CEP85L: variants seen among roughly 807,000 people sequenced by gnomAD.
The protein encoded by CEP85L is centrosomal protein 85L, also known as centrosomal protein of 85 kDa-like.
A neutral mutation model predicts 100.3 loss-of-function variants in CEP85L; 60 were observed. The observed-to-expected ratio is 0.60, with a 90% CI of 0.49 to 0.74. CEP85L has a LOEUF of 0.74. CEP85L is among the 30% of genes least tolerant of loss of function. CEP85L has a pLI of 0.00. For synonymous variants in CEP85L, 319 were observed against 322.7 expected (o/e 0.99, Z 0.12); for missense variants, 973 against 936.2 (o/e 1.04, Z -0.51).
At chr6:118,606,919 CAG>C (rs1583156685) in intron 2 of CEP85L, among the ~76,000 whole-genome samples, 2 of 151,486 alleles carry the variant, frequency 1.3e-5, no homozygotes, top group African/African-American at 2.4e-5. Context: ...ACCGTTTGCA[CAG>C]AGAGAGAGAG....
At chr6:118,678,822 C>T (rs777779067) in intron 1 of CEP85L, among the ~76,000 whole-genome samples, 2 of 152,224 alleles carry the variant, frequency 1.3e-5, no homozygotes, top group Non-Finnish European at 2.9e-5. Context: ...GTCCCAGCTA[C>T]TTGGGAGGCT....
chr6:118,490,648 G>A (rs942587219), intron 6 of CEP85L, among the ~76,000 whole-genome samples: 2 of 152,118 alleles, frequency 1.3e-5, no homozygotes, highest in African/African-American at 2.4e-5. Context: ...GTACAAGAAC[G>A]TTCACAGCAG....
At chr6:118,496,247 T>C (rs1048122336) in intron 5 of CEP85L, among the ~76,000 whole-genome samples, 1 of 152,208 alleles carries the variant, frequency 6.6e-6, no homozygotes, top group Non-Finnish European at 1.5e-5. Flanking sequence ...ATTAAGTACA[T>C]GCCCTTAACC....
chr6:118,526,399 A>C (rs1410951001), intron 3 of CEP85L, among the ~76,000 whole-genome samples: 1 of 152,180 alleles, frequency 6.6e-6, no homozygotes, highest in Non-Finnish European at 1.5e-5. Context: ...CTCCATCCAT[A>C]AATAGGCATC....
At chr6:118,530,198 C>CT (rs1777212700) in intron 3 of CEP85L, among the ~76,000 whole-genome samples, 1 of 151,954 alleles carries the variant, frequency 6.6e-6, no homozygotes, top group South Asian at 2.1e-4. Context: ...ATATTACCAA[C>CT]TTTAGCACAC....
chr6:118,572,800 G>A lies in CEP85L; in HGVS notation c.233-6484C>T, dbSNP rs574293598. 1.8e-4 allele frequency among the ~76,000 whole-genome samples: 28 copies of A among 152,252 alleles called. No individual in the cohort carries two copies. In the South Asian group the frequency reaches 2.7e-3, roughly 15 times the overall value. On this transcript the variant is annotated intron_variant, in intron 2 of 12. Transcript: ENST00000368491. ...TATGAGGCCGGGTGCGGTGGCTCAC[G>A]CCTGTAATCCCAGCAATTTGGGAGG...
chr6:118,481,755 G>C, intron 8 of CEP85L, 24 bp downstream of exon 8: 1 of 1,402,450 alleles, frequency 7.1e-7, no homozygotes, highest in Non-Finnish European at 9.7e-7. Flanking sequence ...AAATAATGTA[G>C]AAGGATTCAG....
intron 2 of CEP85L, among the ~76,000 whole-genome samples, chr6:118,601,444 C>A (rs1781783687): frequency 6.6e-6 from 1 of 152,174 alleles, no homozygotes; most frequent in Admixed American, 6.5e-5. Flanking sequence ...ATCTTCTTTC[C>A]AATGTTTATC....
intron 1 of CEP85L, among the ~76,000 whole-genome samples, chr6:118,701,151 G>A (rs576196365): frequency 1.1e-4 from 17 of 152,332 alleles, no homozygotes; most frequent in Middle Eastern, 3.4e-3. Flanking sequence ...GACAGCTTTC[G>A]AGGATGGGTT....
At chr6:118,626,674 T>G (rs1462373576) in intron 2 of CEP85L, among the ~76,000 whole-genome samples, 2 of 152,174 alleles carry the variant, frequency 1.3e-5, no homozygotes, top group Admixed American at 6.6e-5. Flanking sequence ...GTAGAAGCTT[T>G]GTACTTTCAC....
At chr6:118,655,858 A>G (rs2115397435), upstream of CEP85L, among the ~76,000 whole-genome samples, 1 of 152,356 alleles carries the variant, frequency 6.6e-6, no homozygotes, top group Middle Eastern at 3.4e-3. Flanking sequence ...TTGAGTAGTT[A>G]GTAATACCTC....
intron 2 of CEP85L, among the ~76,000 whole-genome samples, chr6:118,615,847 C>A (rs1773001595): frequency 6.6e-6 from 1 of 152,230 alleles, no homozygotes; most frequent in South Asian, 2.1e-4. Context: ...AAGAAACAAA[C>A]TGTGCACATG....
intron 1 of CEP85L, among the ~76,000 whole-genome samples, chr6:118,633,775 G>A (rs959550897): frequency 2.0e-5 from 3 of 152,100 alleles, no homozygotes; most frequent in Admixed American, 6.6e-5. Context: ...TTTTAAATTC[G>A]TTCAACTTTA....
rs113584727 is a variant in CEP85L, at chr6:118,632,695, G to A, written c.74-84C>T. On this transcript the variant is annotated intron_variant, in intron 1 of 12. Coordinates refer to ENST00000368491, the MANE Select transcript of CEP85L (RefSeq NM_001042475.3). ...TTTTACCTTGTGGAAAATACACATA[G>A]GGTATAAAAGGTATAAAAGGTTCTT... 933 of 1,053,940 alleles carry A rather than the reference G, an allele frequency of 8.9e-4. 4 individuals are homozygous for A. The African/African-American group carries it at 0.013, about 15-fold the overall frequency. The allele number at this position is 1,053,940 out of a possible 1,614,324, so 65.3% of individuals were successfully genotyped here. A position where few individuals can be genotyped will look rare whatever the true frequency, so the allele number is the denominator to read the frequency against.
intron 5 of CEP85L, among the ~76,000 whole-genome samples, 175 bp from the exon 6 acceptor site, chr6:118,492,040 T>A (rs1222866590): frequency 1.3e-5 from 2 of 152,150 alleles, no homozygotes; most frequent in Admixed American, 6.5e-5. Flanking sequence ...TAAAGTAAAT[T>A]ACTTACCTTC....
chr6:118,643,706 G>A (rs1463097850), intron 1 of CEP85L, among the ~76,000 whole-genome samples: 3 of 152,200 alleles, frequency 2.0e-5, no homozygotes, highest in Admixed American at 2.0e-4. Flanking sequence ...AGTAGGGGTA[G>A]AGTTACTTTT....
intron 2 of CEP85L, among the ~76,000 whole-genome samples, chr6:118,628,165 T>C (rs1288605377): frequency 2.0e-5 from 3 of 151,704 alleles, no homozygotes; most frequent in Non-Finnish European, 4.4e-5. Context: ...GTACAAGGCA[T>C]ACTGTAAGAC....
At chr6:118,694,479 T>C (rs1279918502) in intron 1 of CEP85L, among the ~76,000 whole-genome samples, 1 of 152,238 alleles carries the variant, frequency 6.6e-6, no homozygotes, top group East Asian at 1.9e-4. Flanking sequence ...TTATAATTGC[T>C]ATCAACTGGG....
intron 6 of CEP85L, among the ~76,000 whole-genome samples, chr6:118,485,827 C>G (rs1774141126): frequency 6.6e-6 from 1 of 152,186 alleles, no homozygotes; most frequent in South Asian, 2.1e-4. Flanking sequence ...TAGCAAATGA[C>G]CCTGTACATT....
Sources: gnomAD v4.1 joint callset for allele counts (sites outside exome capture counted in the v4.1 genomes callset) on GRCh38, gnomAD v4.1.1 for gene constraint, MANE v1.5 for transcripts, NCBI Gene and HGNC (gene_info 2026-07-23, HGNC 2026-07-21) for gene names.